Variants in SLIT2 observed in about 807,000 individuals in gnomAD.
The protein encoded by SLIT2 is slit homolog 2 protein.
A neutral mutation model predicts 185.7 loss-of-function variants in SLIT2; 41 were observed. That is an observed-to-expected ratio of 0.22 (90% confidence interval 0.17 to 0.29). SLIT2 has a LOEUF of 0.29. Ranked by LOEUF, SLIT2 falls within the 10% of genes least tolerant of loss-of-function variation. The pLI is 1.00. For synonymous variants in SLIT2, 693 were observed against 680.2 expected, an observed-to-expected ratio of 1.02 and a Z score of -0.29; for missense variants, 1,571 against 1,909.0, an observed-to-expected ratio of 0.82 and a Z score of 3.30.
intron 14 of SLIT2, 128 bp downstream of exon 14, chr4:20,524,305 A>G: frequency 1.3e-6 from 1 of 786,488 alleles, no homozygotes; most frequent in Non-Finnish European, 2.0e-6. Flanking sequence ...TCTGCCCATG[A>G]ATAATAAAAT....
At chr4:20,283,710 A>G (rs541747163) in intron 4 of SLIT2, among the ~76,000 whole-genome samples, 2 of 152,338 alleles carry the variant, frequency 1.3e-5, no homozygotes, top group South Asian at 4.1e-4. Flanking sequence ...ACAGAATCAT[A>G]AAATTAGAGT....
chr4:20,455,120 A>C (rs1712918843), intron 4 of SLIT2, among the ~76,000 whole-genome samples: 1 of 152,200 alleles, frequency 6.6e-6, no homozygotes, highest in African/African-American at 2.4e-5. Flanking sequence ...GGTGATAGAC[A>C]TGACAGGAAA....
Position 20,565,424 on chromosome 4 carries a change from T to A in SLIT2, c.2726-1838T>A, listed in dbSNP as rs150965704. Among the ~76,000 whole-genome samples the A allele has an allele frequency of 4.5e-3, 679 of 152,148 alleles. 5 individuals carry two copies. Among genetic ancestry groups the A allele is most frequent in the Non-Finnish European group, 7.5e-3 (513 of 67,956 alleles). ...TTCCTCTTGCTGACTCATATATAAC[T>A]TTAGCAAACTCAAAACCATTTATTG... is the stretch of plus-strand genomic sequence containing the variant. On this transcript the variant is annotated intron_variant, in intron 26 of 36. Coordinates refer to ENST00000504154, the MANE Select transcript of SLIT2 (RefSeq NM_004787.4).
In SLIT2 at chr4:20,619,030, T is replaced by C; in HGVS notation, c.*21T>C. On this transcript the variant is annotated 3_prime_UTR_variant, in exon 37 of 37. Coordinates refer to ENST00000504154, the MANE Select transcript of SLIT2 (RefSeq NM_004787.4). Reference sequence around the variant, plus strand: ...CCTAAACACACTCCCGGCAGCTCTGTCTTTGGAAAAGGTTGTATACTTCTT... The same window carrying C: ...CCTAAACACACTCCCGGCAGCTCTGCCTTTGGAAAAGGTTGTATACTTCTT... 6.2e-7 allele frequency: 1 copy of C among 1,602,758 alleles called. No individual in the cohort carries two copies. Among genetic ancestry groups the C allele is most frequent in the Non-Finnish European group, 8.5e-7 (1 of 1,170,494 alleles).
chr4:20,367,556 A>G (rs1221165441), intron 4 of SLIT2, among the ~76,000 whole-genome samples: 1 of 152,154 alleles, frequency 6.6e-6, no homozygotes, highest in African/African-American at 2.4e-5. Context: ...GCATAAGCAA[A>G]TAACTTCAAA....
chr4:20,561,440 T>C (rs1428642583), intron 26 of SLIT2, among the ~76,000 whole-genome samples: 1 of 151,782 alleles, frequency 6.6e-6, no homozygotes, highest in Non-Finnish European at 1.5e-5. Context: ...TTGATAGGCT[T>C]GAGTGGGAGC....
At chr4:20,404,346 A>C (rs1726599169) in intron 4 of SLIT2, among the ~76,000 whole-genome samples, 1 of 152,004 alleles carries the variant, frequency 6.6e-6, no homozygotes, top group South Asian at 2.1e-4. Flanking sequence ...GGGGAAGAGT[A>C]GCATAGTCAT....
chr4:20,383,603 C>T (rs368508768), intron 4 of SLIT2, among the ~76,000 whole-genome samples: 20 of 152,292 alleles, frequency 1.3e-4, no homozygotes, highest in East Asian at 1.2e-3. Flanking sequence ...GGAACTCTCA[C>T]ATATCACTAA....
intron 18 of SLIT2, among the ~76,000 whole-genome samples, chr4:20,538,396 C>T (rs975038296): frequency 5.8e-5 from 7 of 120,414 alleles, no homozygotes; most frequent in East Asian, 2.6e-4. Context: ...TAACATAAAA[C>T]GATCCCTTCA....
intron 22 of SLIT2, among the ~76,000 whole-genome samples, chr4:20,547,044 C>A (rs1283966654): frequency 2.0e-5 from 3 of 151,990 alleles, no homozygotes; most frequent in African/African-American, 7.2e-5. Context: ...ATATTACATG[C>A]CCCAATGTAA....
At chr4:20,578,058 C>T (rs1726220065) in intron 29 of SLIT2, among the ~76,000 whole-genome samples, 1 of 152,198 alleles carries the variant, frequency 6.6e-6, no homozygotes, top group South Asian at 2.1e-4. Context: ...TCTCAGAACA[C>T]AAATCTGCTA....
At chr4:20,617,379 C>T (rs527638256) in intron 35 of SLIT2, 60 bp from the exon 36 acceptor site, 9 of 1,506,802 alleles carry the variant, frequency 6.0e-6, no homozygotes, top group African/African-American at 4.1e-5. Context: ...ATATCACCTC[C>T]GTTCATTCTT....
At chr4:20,386,066 C>G (rs888204948) in intron 4 of SLIT2, among the ~76,000 whole-genome samples, 4 of 152,086 alleles carry the variant, frequency 2.6e-5, no homozygotes, top group African/African-American at 7.2e-5. Context: ...CACCTCCCCC[C>G]ACCAAAAATG....
intron 29 of SLIT2, among the ~76,000 whole-genome samples, chr4:20,582,699 A>T (rs1200743807): frequency 6.6e-6 from 1 of 152,202 alleles, no homozygotes; most frequent in East Asian, 1.9e-4. Context: ...TCCTCAGTGT[A>T]CAATTTTTCT....
chr4:20,364,517 A>G (rs1397531028), intron 4 of SLIT2, among the ~76,000 whole-genome samples: 1 of 152,124 alleles, frequency 6.6e-6, no homozygotes, highest in African/African-American at 2.4e-5. Flanking sequence ...TCTAGTTCCT[A>G]CTTTTCATTA....
In SLIT2 at chr4:20,534,657, G is replaced by A. The variant is rs531169318; in HGVS notation, c.1832+942G>A. 2.4e-4 allele frequency among the ~76,000 whole-genome samples: 37 copies of A among 152,288 alleles called. 1 individual carries two copies. Among genetic ancestry groups the A allele is most frequent in the Admixed American group, 2.0e-3 (30 of 15,296 alleles). Reference sequence around the variant, plus strand: ...CAAGAAGCAGTCCTTGGTGATTGTAGTGGGGAGTCTGTCTCCCTCAAACCC... The same window carrying A: ...CAAGAAGCAGTCCTTGGTGATTGTAATGGGGAGTCTGTCTCCCTCAAACCC... On this transcript the variant is annotated intron_variant, in intron 18 of 36. Transcript: ENST00000504154.
intron 4 of SLIT2, among the ~76,000 whole-genome samples, chr4:20,287,809 G>T (rs1715411093): frequency 6.6e-6 from 1 of 151,960 alleles, no homozygotes; most frequent in Non-Finnish European, 1.5e-5. Flanking sequence ...TTAATATAGG[G>T]CTAATAAGCA....
chr4:20,302,361 G>C (rs1353874889), intron 4 of SLIT2, among the ~76,000 whole-genome samples: 1 of 152,178 alleles, frequency 6.6e-6, no homozygotes, highest in African/African-American at 2.4e-5. Flanking sequence ...ATTAAAAGAT[G>C]TGATGGAAAC....
At chr4:20,414,814 T>A (rs1205863604) in intron 4 of SLIT2, among the ~76,000 whole-genome samples, 1 of 152,216 alleles carries the variant, frequency 6.6e-6, no homozygotes, top group African/African-American at 2.4e-5. Flanking sequence ...CTTGCCTTTG[T>A]CTTTCAGCAG....
Sources: gnomAD v4.1 joint callset for allele counts (sites outside exome capture counted in the v4.1 genomes callset) on GRCh38, gnomAD v4.1.1 for gene constraint, MANE v1.5 for transcripts, NCBI Gene and HGNC (gene_info 2026-07-23, HGNC 2026-07-21) for gene names.